The following FRMD3 variants were observed in gnomAD, a reference collection of about 807,000 sequenced individuals.
FRMD3 encodes FERM domain-containing protein 3.
In FRMD3, 33 loss-of-function variants were observed where a neutral mutation model predicts 70.2. The ratio of observed to expected loss-of-function variants is 0.47; its 90% CI spans 0.36 to 0.63. The LOEUF (loss-of-function observed/expected upper bound fraction) is 0.63, where lower values mean the gene tolerates loss of function less well. FRMD3 is among the 20% of genes least tolerant of loss of function. The pLI is 0.00. For missense variants in FRMD3, 632 were observed against 711.4 expected, an observed-to-expected ratio of 0.89 and a Z score of 1.27; for synonymous variants, 279 against 255.9, an observed-to-expected ratio of 1.09 and a Z score of -0.86.
chr9:83,454,583 C>T (rs538749511), intron 1 of FRMD3, among the ~76,000 whole-genome samples: 101 of 152,288 alleles, frequency 6.6e-4, no homozygotes, highest in Middle Eastern at 3.4e-3. Flanking sequence ...ATTATAGACC[C>T]AATCACATCT....
intron 5 of FRMD3, among the ~76,000 whole-genome samples, chr9:83,340,450 G>A (rs1823718076): frequency 6.6e-6 from 1 of 152,222 alleles, no homozygotes; most frequent in East Asian, 1.9e-4. Context: ...GGAGGGAGCT[G>A]CTTTAGCTCG....
chr9:83,319,848 T>C (rs539686095), intron 6 of FRMD3, among the ~76,000 whole-genome samples: 199 of 152,354 alleles, frequency 1.3e-3, no homozygotes, highest in Non-Finnish European at 2.4e-3. Flanking sequence ...CTCCTTGCCT[T>C]CCACCATAAT....
chr9:83,298,939 A>G, intron 11 of FRMD3, 123 bp from the exon 12 acceptor site: 5 of 1,072,194 alleles, frequency 4.7e-6, no homozygotes, highest in Non-Finnish European at 7.2e-6. Context: ...CATGAGGGGG[A>G]AAATTACGGT....
chr9:83,526,779 T>C (rs897235559), intron 1 of FRMD3, among the ~76,000 whole-genome samples: 2 of 152,238 alleles, frequency 1.3e-5, no homozygotes, highest in African/African-American at 4.8e-5. Context: ...CAAATGTTTA[T>C]TGAATAAGAT....
chr9:83,519,454 G>T (rs1829524304), intron 1 of FRMD3, among the ~76,000 whole-genome samples: 1 of 152,126 alleles, frequency 6.6e-6, no homozygotes, highest in South Asian at 2.1e-4. Flanking sequence ...ACCATCTCAT[G>T]CCAGTTAGAA....
chr9:83,368,303 C>A (rs1306528001), intron 3 of FRMD3, among the ~76,000 whole-genome samples: 1 of 149,974 alleles, frequency 6.7e-6, no homozygotes, highest in East Asian at 1.9e-4. Context: ...GTCAATTTTA[C>A]CATATGTTAA....
intron 1 of FRMD3, among the ~76,000 whole-genome samples, chr9:83,402,360 C>T (rs1825973560): frequency 6.6e-6 from 1 of 150,860 alleles, no homozygotes; most frequent in South Asian, 2.1e-4. Flanking sequence ...AAGCATAGAA[C>T]CTCTGCACAC....
intron 1 of FRMD3, among the ~76,000 whole-genome samples, chr9:83,390,149 A>G (rs146069269): frequency 6.6e-6 from 1 of 152,334 alleles, no homozygotes; most frequent in African/African-American, 2.4e-5. Context: ...CCTACCAGGA[A>G]GGTTCTCATT....
intron 12 of FRMD3, among the ~76,000 whole-genome samples, chr9:83,297,123 C>T (rs1339008453): frequency 6.6e-6 from 1 of 152,214 alleles, no homozygotes; most frequent in South Asian, 2.1e-4. Context: ...AAGATGGTAA[C>T]TTTGAGACTC....
chr9:83,522,757 G>A (rs1829603641), intron 1 of FRMD3, among the ~76,000 whole-genome samples: 1 of 151,892 alleles, frequency 6.6e-6, no homozygotes, highest in African/African-American at 2.4e-5. Context: ...TAGAGACGGG[G>A]TTTCACGGTG....
At chr9:83,470,283 A>G (rs1828238033) in intron 1 of FRMD3, among the ~76,000 whole-genome samples, 1 of 152,172 alleles carries the variant, frequency 6.6e-6, no homozygotes, top group Non-Finnish European at 1.5e-5. Context: ...AACTGAACCC[A>G]AACTTCCCAT....
intron 1 of FRMD3, among the ~76,000 whole-genome samples, chr9:83,519,510 G>A (rs1209214944): frequency 6.6e-6 from 1 of 152,252 alleles, no homozygotes; most frequent in Non-Finnish European, 1.5e-5. Flanking sequence ...TGGAGAGGAT[G>A]TGGAGAAATA....
At chr9:83,522,517 A>C (rs935454311) in intron 1 of FRMD3, among the ~76,000 whole-genome samples, 3 of 151,796 alleles carry the variant, frequency 2.0e-5, no homozygotes, top group Middle Eastern at 3.4e-3. Flanking sequence ...TGCAATAAAA[A>C]TAAATAAGGA....
At chr9:83,490,157 C>T (rs1349383398) in intron 1 of FRMD3, among the ~76,000 whole-genome samples, 1 of 152,154 alleles carries the variant, frequency 6.6e-6, no homozygotes, top group Non-Finnish European at 1.5e-5. Flanking sequence ...AACAGAACTA[C>T]AAATCTGTCA....
chr9:83,359,694 T>G (rs533239284), intron 3 of FRMD3, among the ~76,000 whole-genome samples: 1 of 152,310 alleles, frequency 6.6e-6, no homozygotes, highest in Non-Finnish European at 1.5e-5. Context: ...TATATATCTT[T>G]TGGTTTTTTT....
At chr9:83,464,664 T>C (rs927302436) in intron 1 of FRMD3, among the ~76,000 whole-genome samples, 1 of 152,176 alleles carries the variant, frequency 6.6e-6, no homozygotes, top group East Asian at 1.9e-4. Context: ...TCCTGGGTTG[T>C]GGGTTTTCAT....
chr9:83,286,834 ACT>A (rs1834236423), intron 13 of FRMD3, among the ~76,000 whole-genome samples: 3 of 151,976 alleles, frequency 2.0e-5, no homozygotes, highest in African/African-American at 4.8e-5. Context: ...GTATTATGTA[ACT>A]CTCTCAATGG....
chr9:83,562,080 T>C, the FRMD3 span, among the ~76,000 whole-genome samples: 2 of 152,190 alleles, frequency 1.3e-5, no homozygotes, highest in Admixed American at 6.5e-5. Context: ...TGGGATCAAA[T>C]TGCTCCTGGT....
chr9:83,561,765 T>G, the FRMD3 span, among the ~76,000 whole-genome samples: 1 of 152,198 alleles, frequency 6.6e-6, no homozygotes, highest in Non-Finnish European at 1.5e-5. Flanking sequence ...AACCCTGACA[T>G]GAATAGGGTA....
Sources: gnomAD v4.1 joint callset for allele counts (sites outside exome capture counted in the v4.1 genomes callset) on GRCh38, gnomAD v4.1.1 for gene constraint, MANE v1.5 for transcripts, NCBI Gene and HGNC (gene_info 2026-07-23, HGNC 2026-07-21) for gene names.